MAEA: variants seen among roughly 807,000 people sequenced by gnomAD.
MAEA encodes the protein E3 ubiquitin-protein transferase MAEA.
Under a neutral mutation model 46.2 loss-of-function variants are expected in MAEA, and 22 were observed. That is an observed-to-expected ratio of 0.48 (90% CI 0.34 to 0.68). The LOEUF is 0.68. MAEA is among the 30% of genes least tolerant of loss of function. The pLI, the probability that MAEA is intolerant of heterozygous loss-of-function variation, is 0.01. For synonymous variants in MAEA, 246 were observed against 222.6 expected (o/e 1.11, Z -0.94); for missense variants, 393 against 558.1 (o/e 0.70, Z 2.98).
intron 4 of MAEA, among the ~76,000 whole-genome samples, chr4:1,322,844 C>T (rs1738305097): frequency 6.6e-6 from 1 of 151,874 alleles, no homozygotes; most frequent in South Asian, 2.1e-4. Flanking sequence ...CCATGGGCTC[C>T]CTGTGCTCAG....
chr4:1,318,218 C>T (rs541493543), intron 3 of MAEA, among the ~76,000 whole-genome samples: 1 of 152,344 alleles, frequency 6.6e-6, no homozygotes, highest in South Asian at 2.1e-4. Context: ...TCCTAAACGC[C>T]CAGCACACTG....
intron 1 of MAEA, among the ~76,000 whole-genome samples, chr4:1,293,714 A>T (rs922707481): frequency 6.6e-6 from 1 of 152,208 alleles, no homozygotes; most frequent in African/African-American, 2.4e-5. Flanking sequence ...TCCTCTCCCC[A>T]GAGGACAGGC....
intron 6 of MAEA, among the ~76,000 whole-genome samples, chr4:1,333,728 GCTCACCTCTGCA>G (rs1712190248): frequency 1.9e-4 from 5 of 26,204 alleles, no homozygotes; most frequent in Middle Eastern, 0.033. Context: ...CCATGCCCGT[GCTCACCTCTGCA>G]CCCACCCCAT....
At position 1,289,925 on chromosome 4, in the gene MAEA, G is replaced by T; in HGVS notation, c.12G>T (p.Gln4His). Residue 4 changes from glutamine (Q) to histidine (H), a missense_variant, in exon 1 of 9, where the codon CAG becomes CAT. Gln to His is a conservative substitution (Grantham distance 24). This residue lies in a region of MAEA where 35 missense variants were observed against 20.1 expected (regional missense o/e 1.74). Transcript: ENST00000303400. Reference sequence around the variant, plus strand: ...TTGGCCGCTTCAAGATGGCGGTGCAGGAGTCGGCGGCTCAGTTGTCCATGA... The same window carrying T: ...TTGGCCGCTTCAAGATGGCGGTGCATGAGTCGGCGGCTCAGTTGTCCATGA... MAVQESAAQLSMTL... is the reference protein window; with the variant it reads MAVHESAAQLSMTL... 1 of 1,600,510 alleles carries T rather than the reference G, an allele frequency of 6.2e-7. No homozygotes were observed. Among genetic ancestry groups the T allele is most frequent in the Non-Finnish European group, 8.5e-7 (1 of 1,173,118 alleles).
At chr4:1,290,108 G>C (rs1733944254) in intron 1 of MAEA, 126 bp downstream of exon 1, 2 of 491,440 alleles carry the variant, frequency 4.1e-6, no homozygotes, top group Admixed American at 5.1e-5. Flanking sequence ...GGCCTCGCGG[G>C]GCCGTGCGGG....
In MAEA at chr4:1,327,834, C is replaced by T. The variant is rs182415423; in HGVS notation, c.656+131C>T. On this transcript the variant is annotated intron_variant, in intron 5 of 8. Transcript: ENST00000303400. The stretch of plus-strand genomic sequence containing the variant: ...CGTCCCCTGGGTCTTGAGTCTGACC[C>T]CTGCCTGCTCAGGTGGCTGCTTCTC... The T allele has an allele frequency of 1.4e-3, 991 of 683,934 alleles. 2 individuals carry two copies. The highest frequency in any genetic ancestry group is 5.3e-3 in the African/African-American group (293 of 55,734). The allele number at this position is 683,934 out of a possible 1,614,324, so 42.4% of individuals were successfully genotyped here.
chr4:1,337,709 G>A, intron 7 of MAEA: 1 of 174,432 alleles, frequency 5.7e-6, no homozygotes, highest in East Asian at 1.9e-4. Flanking sequence ...GTCCTCGCCT[G>A]TGACTGACTC....
rs1252266619 is a variant in MAEA at position 1,311,757 on chromosome 4, A to G, written c.70-222A>G. Among the ~76,000 whole-genome samples the G allele has an allele frequency of 1.3e-5, 2 of 152,152 alleles. No individual in the cohort carries two copies. The highest frequency in any genetic ancestry group is 3.9e-4 in the East Asian group (2 of 5,194). On this transcript the variant is annotated intron_variant, in intron 1 of 8. Coordinates refer to ENST00000303400, the MANE Select transcript of MAEA (RefSeq NM_001017405.3). This position sits in a 1 kb window ranked among gnomAD's most constrained non-coding sequence, Gnocchi z 4.4. ...CATACACGTACAATGTTTTTGGCAA[A>G]AATTGGGGTTGCTTCTCATCCAGGG... is the stretch of plus-strand genomic sequence containing the variant.
At position 1,339,448 on chromosome 4, in the gene MAEA, C is replaced by T. The variant is rs1577254040; in HGVS notation, c.*279C>T. On this transcript the variant is annotated 3_prime_UTR_variant, in exon 9 of 9. Coordinates refer to ENST00000303400, the MANE Select transcript of MAEA (RefSeq NM_001017405.3). ...AAGGAAACTCTTCTTTAAAGACTGA[C>T]CTAAACACCGAGGGAAACTTAAGAA... 1 of 462,982 alleles carries T rather than the reference C, an allele frequency of 2.2e-6. No homozygotes were observed. Among genetic ancestry groups the T allele is most frequent in the Non-Finnish European group, 3.9e-6 (1 of 258,782 alleles). 28.7% of individuals were successfully genotyped at this position (462,982 alleles called of 1,614,324 possible). A position where few individuals can be genotyped will look rare whatever the true frequency, so the allele number is the denominator to read the frequency against.
chr4:1,327,722 C>T lies in MAEA; in HGVS notation c.656+19C>T, dbSNP rs374365879. The T allele has an allele frequency of 6.8e-6, 11 of 1,609,300 alleles. No individual in the cohort carries two copies. The highest frequency in any genetic ancestry group is 5.3e-5 in the African/African-American group (4 of 74,888). ...CTGTGAGGTAGGCATTGCGGACGTG[C>T]GTCTCCTCGAGGGAGGGCAGGATGT... On this transcript the variant is annotated intron_variant, in intron 5 of 8. Coordinates refer to ENST00000303400, the MANE Select transcript of MAEA (RefSeq NM_001017405.3).
intron 1 of MAEA, among the ~76,000 whole-genome samples, chr4:1,304,550 C>T (rs917925768): frequency 3.9e-5 from 6 of 152,228 alleles, no homozygotes; most frequent in Non-Finnish European, 8.8e-5. Flanking sequence ...ACACCATTCT[C>T]CTGCCTCAGC....
intron 5 of MAEA, chr4:1,330,254 C>A: frequency 2.1e-6 from 1 of 465,656 alleles, no homozygotes; most frequent in Non-Finnish European, 2.8e-6. Flanking sequence ...CCGTCTGTCG[C>A]ACACCCACAC....
At chr4:1,296,420 C>CCT (rs71168822) in intron 1 of MAEA, among the ~76,000 whole-genome samples, 53,460 of 109,600 alleles carry the variant, frequency 0.49, 13,760 homozygotes, top group Admixed American at 0.53. Context: ...CACCTGTACC[C>CCT]CTCACCCATG....
At chr4:1,325,983 G>A (rs550578018) in intron 4 of MAEA, among the ~76,000 whole-genome samples, 1 of 152,154 alleles carries the variant, frequency 6.6e-6, no homozygotes, top group African/African-American at 2.4e-5. Context: ...GAGGGGCTGA[G>A]GGTACAGGGC....
intron 1 of MAEA, among the ~76,000 whole-genome samples, chr4:1,295,951 GCCCGCACCTGTGCCCCCCTCA>G (rs1560324144): frequency 5.2e-5 from 2 of 38,232 alleles, no homozygotes; most frequent in South Asian, 9.1e-4. Context: ...TGCCACCCTC[GCCCGCACCTGTGCCCCCCTCA>G]CCCACGTCTG....
chr4:1,335,826 G>A lies in MAEA; in HGVS notation c.766-1035G>A, dbSNP rs570658330. 5.3e-3 allele frequency: 599 copies of A among 114,084 alleles called. 5 individuals carry two copies. Among genetic ancestry groups the A allele is most frequent in the African/African-American group, 0.019 (516 of 27,694 alleles). The allele number at this position is 114,084 out of a possible 1,614,324, so 7.1% of individuals were successfully genotyped here. A position where few individuals can be genotyped will look rare whatever the true frequency, so the allele number is the denominator to read the frequency against. On this transcript the variant is annotated intron_variant, in intron 6 of 8. Coordinates refer to ENST00000303400, the MANE Select transcript of MAEA (RefSeq NM_001017405.3). The stretch of plus-strand genomic sequence containing the variant: ...CCCTGCAGTGTGTTGAAATCACAGA[G>A]TTAAGTCAGCACCTGCCCTGCAGTG...
At chr4:1,301,547 A>G (rs185574797) in intron 1 of MAEA, among the ~76,000 whole-genome samples, 14 of 152,372 alleles carry the variant, frequency 9.2e-5, no homozygotes, top group African/African-American at 2.4e-4. Context: ...ATTTAAAAGC[A>G]AATACCAAGC....
chr4:1,301,261 T>C (rs1202155551), intron 1 of MAEA, among the ~76,000 whole-genome samples: 1 of 152,224 alleles, frequency 6.6e-6, no homozygotes, highest in Non-Finnish European at 1.5e-5. Flanking sequence ...GATGGCACCG[T>C]GTGGGGGCAG....
intron 3 of MAEA, among the ~76,000 whole-genome samples, chr4:1,316,378 G>A (rs1239431268): frequency 1.3e-5 from 2 of 152,136 alleles, no homozygotes; most frequent in Admixed American, 6.5e-5. Context: ...TGGGCCCGTC[G>A]CCCTTGCCCC....
Sources: allele counts gnomAD v4.1 joint callset (sites outside exome capture counted in the v4.1 genomes callset), GRCh38; gene constraint gnomAD v4.1.1; regional missense constraint gnomAD v4.1.1; non-coding constraint Gnocchi (gnomAD v3.1); transcripts MANE v1.5; gene names NCBI Gene and HGNC (gene_info 2026-07-23, HGNC 2026-07-21).